MED12L: variants seen among roughly 807,000 people sequenced by gnomAD.
The protein encoded by MED12L is mediator complex subunit 12L, also known as mediator of RNA polymerase II transcription subunit 12-like protein.
In MED12L, 60 loss-of-function variants were observed where a neutral mutation model predicts 281.3. That is an observed-to-expected ratio of 0.21 (90% CI 0.17 to 0.26). The LOEUF is 0.26. MED12L is among the 10% of genes least tolerant of loss of function. The pLI is 1.00. For missense variants in MED12L, 2,146 were observed against 2,680.9 expected (o/e 0.80, Z 4.41); for synonymous variants, 974 against 987.2 (o/e 0.99, Z 0.25).
intron 2 of MED12L, among the ~76,000 whole-genome samples, chr3:151,115,579 T>G (rs1712642755): frequency 6.6e-6 from 1 of 151,550 alleles, no homozygotes; most frequent in Non-Finnish European, 1.5e-5. Flanking sequence ...ACTCCTAACC[T>G]CAGGTGATCC....
At chr3:151,107,056 G>T (rs1260123435) in intron 2 of MED12L, among the ~76,000 whole-genome samples, 1 of 147,884 alleles carries the variant, frequency 6.8e-6, no homozygotes, top group Non-Finnish European at 1.5e-5. Flanking sequence ...TTGGCTTTGG[G>T]TCTACCATTT....
chr3:151,393,503 A>G (rs953163984), intron 38 of MED12L, among the ~76,000 whole-genome samples: 33 of 129,170 alleles, frequency 2.6e-4, no homozygotes, highest in Non-Finnish European at 4.8e-4. Flanking sequence ...CTGCTCCCCC[A>G]CAACCCCCCC....
intron 5 of MED12L, among the ~76,000 whole-genome samples, chr3:151,135,136 C>T (rs530502820): frequency 6.6e-6 from 1 of 152,166 alleles, no homozygotes; most frequent in African/African-American, 2.4e-5. Context: ...AGCAATTCTC[C>T]CACCTCAGCC....
At chr3:151,292,566 C>T (rs1403347388) in intron 16 of MED12L, among the ~76,000 whole-genome samples, 2 of 151,282 alleles carry the variant, frequency 1.3e-5, no homozygotes, top group Admixed American at 6.6e-5. Context: ...CCACTGCGCG[C>T]AGCTTGCTCC....
chr3:151,378,263 A>G, intron 31 of MED12L, 90 bp downstream of exon 31: 1 of 1,275,350 alleles, frequency 7.8e-7, no homozygotes, highest in Non-Finnish European at 1.0e-6. Flanking sequence ...CACTGTACCC[A>G]CAGTCCACTG....
intron 16 of MED12L, among the ~76,000 whole-genome samples, chr3:151,348,464 C>A (rs1257092918): frequency 1.3e-5 from 2 of 151,822 alleles, no homozygotes; most frequent in Non-Finnish European, 2.9e-5. Context: ...CTAGGGATCA[C>A]TGCTTATGTC....
chr3:151,378,304 T>C (rs1711584504), intron 31 of MED12L, 131 bp downstream of exon 31: 2 of 934,668 alleles, frequency 2.1e-6, no homozygotes, highest in East Asian at 5.9e-5. Flanking sequence ...ACTGGGAATA[T>C]TCTATTAGGC....
At chr3:151,310,823 A>G (rs556731404) in intron 16 of MED12L, among the ~76,000 whole-genome samples, 2 of 152,318 alleles carry the variant, frequency 1.3e-5, no homozygotes, top group South Asian at 4.1e-4. Flanking sequence ...ATATGAGTAC[A>G]TTGGAAGGAG....
At chr3:151,293,295 C>G (rs1198000827) in intron 16 of MED12L, among the ~76,000 whole-genome samples, 2 of 152,178 alleles carry the variant, frequency 1.3e-5, no homozygotes, top group African/African-American at 4.8e-5. Flanking sequence ...CTGTGTTATT[C>G]ACGTGTGTTT....
In MED12L at chr3:151,328,788, A is replaced by G. The variant is rs150522091; in HGVS notation, c.2251-21271A>G. The G allele has an allele frequency of 1.1e-5, 18 of 1,614,002 alleles. No homozygotes were observed. The African/African-American group carries it at 2.3e-4, about 20-fold the overall frequency. On this transcript the variant is annotated intron_variant, in intron 16 of 44. Transcript: ENST00000687756. ...AAAGGAAGCATGAGTGTCATTATCA[A>G]GTCGGCCACCAAAGTGTTTTTGAGG... is the stretch of plus-strand genomic sequence containing the variant.
At chr3:151,123,382 C>T (rs907908421) in intron 4 of MED12L, among the ~76,000 whole-genome samples, 7 of 152,218 alleles carry the variant, frequency 4.6e-5, no homozygotes, top group African/African-American at 1.4e-4. Flanking sequence ...CAAGCTGTCT[C>T]CTTCCTACCA....
At chr3:151,172,868 C>G (rs1291258335) in intron 11 of MED12L, among the ~76,000 whole-genome samples, 1 of 152,186 alleles carries the variant, frequency 6.6e-6, no homozygotes, top group Non-Finnish European at 1.5e-5. Flanking sequence ...CTACTGGACA[C>G]CCAAAGGAAG....
At chr3:151,307,029 TA>T (rs1429365512) in intron 16 of MED12L, among the ~76,000 whole-genome samples, 1 of 152,226 alleles carries the variant, frequency 6.6e-6, no homozygotes, top group African/African-American at 2.4e-5. Flanking sequence ...ACTGATTGAT[TA>T]TATAGAGATA....
At chr3:151,206,709 A>G (rs908302814) in intron 16 of MED12L, among the ~76,000 whole-genome samples, 3 of 115,024 alleles carry the variant, frequency 2.6e-5, no homozygotes, top group African/African-American at 6.9e-5. Context: ...CAGTGGTGCA[A>G]TCTCAGCTCA....
At chr3:151,096,675 T>G (rs900520621) in intron 2 of MED12L, among the ~76,000 whole-genome samples, 3 of 152,206 alleles carry the variant, frequency 2.0e-5, no homozygotes, top group Admixed American at 2.0e-4. Flanking sequence ...AAGCCATGCA[T>G]GTTTATAGCT....
chr3:151,365,143 A>ATCGC lies in MED12L; in HGVS notation c.3124_3127dup (p.Tyr1043SerfsTer23). The ATCGC allele has an allele frequency of 6.2e-7, 1 of 1,614,102 alleles. No homozygotes were observed. The highest frequency in any genetic ancestry group is 8.5e-7 in the Non-Finnish European group (1 of 1,179,962). ...AAGATCCTCAGTGACAATGCGGCCA[A>ATCGC]TCGCTACAGCTTTGTCTGCAATACA... On this transcript the variant is annotated frameshift_variant, in exon 22 of 45. Transcript: ENST00000687756. LOFTEE classifies it high-confidence loss of function.
chr3:151,347,528 C>T (rs1001355060), intron 16 of MED12L, among the ~76,000 whole-genome samples: 1 of 152,080 alleles, frequency 6.6e-6, no homozygotes, highest in African/African-American at 2.4e-5. Context: ...ACTGGAGTGA[C>T]AGAGTGAGGG....
intron 43 of MED12L, among the ~76,000 whole-genome samples, chr3:151,427,985 G>A (rs1359401912): frequency 2.6e-5 from 4 of 152,166 alleles, no homozygotes; most frequent in Admixed American, 6.5e-5. Flanking sequence ...ACTCATTGGT[G>A]GCAAAAGCTG....
At chr3:151,186,963 C>T (rs1379483087) in intron 12 of MED12L, among the ~76,000 whole-genome samples, 2 of 152,108 alleles carry the variant, frequency 1.3e-5, no homozygotes, top group African/African-American at 2.4e-5. Context: ...TTAGCTGGCT[C>T]TCTGTGTTGC....
Sources: allele counts gnomAD v4.1 joint callset (sites outside exome capture counted in the v4.1 genomes callset), GRCh38; gene constraint gnomAD v4.1.1; transcripts MANE v1.5; gene names NCBI Gene and HGNC (gene_info 2026-07-23, HGNC 2026-07-21).